Variants in KYNU observed in about 807,000 individuals in gnomAD.
The protein encoded by KYNU is L-kynurenine hydrolase.
A neutral mutation model predicts 59.2 loss-of-function variants in KYNU; 54 were observed. The observed-to-expected ratio is 0.91, with a 90% CI of 0.73 to 1.14. The LOEUF is 1.14. Among genes scored for constraint, KYNU ranks in the 50% most tolerant of loss-of-function variants. KYNU has a pLI of 0.00. For missense variants in KYNU, 567 were observed against 554.4 expected (o/e 1.02, Z -0.23); for synonymous variants, 177 against 192.0 (o/e 0.92, Z 0.65).
rs145911789 is a variant in KYNU, at chr2:142,895,820, G to A, written c.169+10284G>A. On this transcript the variant is annotated intron_variant, in intron 2 of 13. Coordinates refer to ENST00000264170, the MANE Select transcript of KYNU (RefSeq NM_003937.3). ...CCATCTTAGCCTCCTGAGTAGCCAG[G>A]GCTACAGGCGTGCACCACCACACCA... 7.6e-3 allele frequency among the ~76,000 whole-genome samples: 1,161 copies of A among 151,922 alleles called. 7 individuals are homozygous for A. The highest frequency in any genetic ancestry group is 0.027 in the African/African-American group (1,114 of 41,400).
At chr2:142,985,647 A>C (rs927155519) in intron 9 of KYNU, among the ~76,000 whole-genome samples, 6 of 151,872 alleles carry the variant, frequency 4.0e-5, no homozygotes, top group African/African-American at 1.2e-4. Flanking sequence ...TTTTAGGACA[A>C]AATAATTTAA....
intron 2 of KYNU, among the ~76,000 whole-genome samples, chr2:142,892,295 GTC>G (rs1449577017): frequency 6.6e-6 from 1 of 152,200 alleles, no homozygotes. Context: ...GCATTGGACT[GTC>G]TGCTCCCTGA....
At chr2:142,884,688 CTTTT>C (rs70997529) in intron 1 of KYNU, among the ~76,000 whole-genome samples, 8 of 77,054 alleles carry the variant, frequency 1.0e-4, no homozygotes, top group Admixed American at 5.7e-4. Flanking sequence ...TTCTCTTTTC[CTTTT>C]TTTTTTTTTT....
In KYNU at chr2:143,053,359, AC is replaced by A. The variant is rs1687300052; in HGVS notation, c.*11188del. 1 of 152,174 alleles carries A rather than the reference AC, an allele frequency of 6.6e-6. No homozygotes were observed. Among genetic ancestry groups the A allele is most frequent in the African/African-American group, 2.4e-5 (1 of 41,428 alleles). The allele number at this position is 152,174 out of a possible 1,614,324, so 9.4% of individuals were successfully genotyped here. A position where few individuals can be genotyped will look rare whatever the true frequency, so the allele number is the denominator to read the frequency against. ...ATCTTTAAGCTTTGTCTCTGATGAG[AC>A]TTTGGACTGCGGACTTTTGAGTTAA... On this transcript the variant is annotated 3_prime_UTR_variant, in exon 14 of 14. Coordinates refer to ENST00000264170, the MANE Select transcript of KYNU (RefSeq NM_003937.3).
chr2:143,033,149 T>C, intron 11 of KYNU, 87 bp from the exon 12 acceptor site: 1 of 915,228 alleles, frequency 1.1e-6, no homozygotes, highest in Non-Finnish European at 1.8e-6. Context: ...GTTTAAGTCT[T>C]GCTCTTTTAC....
chr2:143,000,356 C>A (rs352892), intron 10 of KYNU, among the ~76,000 whole-genome samples: 68,884 of 152,000 alleles, frequency 0.45, 16,131 homozygotes, highest in South Asian at 0.66. Flanking sequence ...CTCTGACTCC[C>A]TTTACTACTC....
intron 4 of KYNU, among the ~76,000 whole-genome samples, chr2:142,944,936 G>C (rs936160406): frequency 2.0e-5 from 3 of 152,162 alleles, no homozygotes; most frequent in Non-Finnish European, 2.9e-5. Flanking sequence ...TATTAAGTAT[G>C]CAATAGCATT....
chr2:142,949,496 A>T (rs1683913597), intron 4 of KYNU, among the ~76,000 whole-genome samples: 1 of 152,132 alleles, frequency 6.6e-6, no homozygotes, highest in South Asian at 2.1e-4. Flanking sequence ...ACTTCTGTGC[A>T]CTCACAAGCT....
chr2:142,977,784 T>C (rs903669371), intron 8 of KYNU, among the ~76,000 whole-genome samples: 7 of 152,100 alleles, frequency 4.6e-5, no homozygotes, highest in Admixed American at 2.6e-4. Flanking sequence ...CAAATAATGC[T>C]TAGTTCCTAC....
intron 4 of KYNU, among the ~76,000 whole-genome samples, chr2:142,939,602 C>CAAAAAAAAAAAAAAAAAAAAAA (rs71301737): frequency 4.8e-4 from 31 of 65,086 alleles, no homozygotes; most frequent in South Asian, 1.2e-3. Context: ...CTCCATCTCA[C>CAAAAAAAAAAAAAAAAAAAAAA]AAAAAAAAAA....
rs1354430308 is a variant in KYNU, at chr2:143,053,274, C to T, written c.*11102C>T. The T allele has an allele frequency of 1.3e-5, 2 of 152,184 alleles. No homozygotes were observed. The highest frequency in any genetic ancestry group is 2.9e-5 in the Non-Finnish European group (2 of 68,070). The allele number at this position is 152,184 out of a possible 1,614,324, so 9.4% of individuals were successfully genotyped here. A position where few individuals can be genotyped will look rare whatever the true frequency, so the allele number is the denominator to read the frequency against. The stretch of plus-strand genomic sequence containing the variant: ...TTCTTTCTGGAGGCTCCAGGGAGAA[C>T]TCTGTTTTCTTACCTTTTCTGGATT... On this transcript the variant is annotated 3_prime_UTR_variant, in exon 14 of 14. Coordinates refer to ENST00000264170, the MANE Select transcript of KYNU (RefSeq NM_003937.3).
intron 2 of KYNU, among the ~76,000 whole-genome samples, chr2:142,917,652 T>A (rs1044849443): frequency 6.6e-6 from 1 of 152,044 alleles, no homozygotes; most frequent in African/African-American, 2.4e-5. Context: ...TAATCCTAGA[T>A]CCAGGAAATA....
intron 2 of KYNU, among the ~76,000 whole-genome samples, chr2:142,888,450 C>T (rs578065982): frequency 6.6e-6 from 1 of 152,094 alleles, no homozygotes; most frequent in Admixed American, 6.5e-5. Flanking sequence ...AGAGCAAGAC[C>T]CTGTCTCTAA....
intron 12 of KYNU, among the ~76,000 whole-genome samples, chr2:143,038,838 G>A (rs978244808): frequency 3.3e-5 from 5 of 152,080 alleles, no homozygotes; most frequent in Non-Finnish European, 4.4e-5. Flanking sequence ...TGTTTTCATA[G>A]ACTTGATAAA....
At chr2:142,965,449 A>T (rs1684496837) in intron 8 of KYNU, among the ~76,000 whole-genome samples, 1 of 151,374 alleles carries the variant, frequency 6.6e-6, no homozygotes, top group Admixed American at 6.6e-5. Context: ...ACTTGAGGCA[A>T]GGGGCTGCTG....
At chr2:142,965,590 G>C (rs1439411023) in intron 8 of KYNU, among the ~76,000 whole-genome samples, 2 of 152,124 alleles carry the variant, frequency 1.3e-5, no homozygotes, top group African/African-American at 4.8e-5. Context: ...ATTTAAGGCA[G>C]AGAGAAGGAA....
chr2:142,922,706 A>C (rs1682922688), intron 3 of KYNU, among the ~76,000 whole-genome samples: 1 of 152,140 alleles, frequency 6.6e-6, no homozygotes, highest in African/African-American at 2.4e-5. Flanking sequence ...GTATTGAATA[A>C]ATGATTTTTT....
chr2:142,889,000 C>T (rs1017531345), intron 2 of KYNU, among the ~76,000 whole-genome samples: 12 of 151,414 alleles, frequency 7.9e-5, no homozygotes, highest in Admixed American at 7.2e-4. Flanking sequence ...GCCATCTGAA[C>T]AAAGATGACA....
chr2:142,948,690 C>G (rs1683881544), intron 4 of KYNU, among the ~76,000 whole-genome samples: 1 of 152,172 alleles, frequency 6.6e-6, no homozygotes, highest in South Asian at 2.1e-4. Context: ...TTACTTCCCA[C>G]CAGGTCCCTC....
Sources: allele counts gnomAD v4.1 joint callset (sites outside exome capture counted in the v4.1 genomes callset), GRCh38; gene constraint gnomAD v4.1.1; transcripts MANE v1.5; gene names NCBI Gene and HGNC (gene_info 2026-07-23, HGNC 2026-07-21).